Variants in DMD observed in about 807,000 individuals in gnomAD.
DMD encodes mutant dystrophin.
In DMD, 63 loss-of-function variants were observed where a neutral mutation model predicts 330.1. That is an observed-to-expected ratio of 0.19 (90% CI 0.16 to 0.24). The LOEUF (loss-of-function observed/expected upper bound fraction) is 0.24, where lower values mean the gene tolerates loss of function less well. Among genes scored for constraint, DMD ranks in the 10% least tolerant of loss-of-function variants. The pLI, the probability that DMD is intolerant of heterozygous loss-of-function variation, is 1.00. For missense variants in DMD, 3,344 were observed against 2,684.1 expected (o/e 1.25, Z -5.43); for synonymous variants, 1,223 against 959.8 (o/e 1.27, Z -5.07).
chrX:32,230,403 C>T (rs1284839906), intron 43 of DMD, among the ~76,000 whole-genome samples: 2 of 111,188 alleles, frequency 1.8e-5, no homozygotes, highest in African/African-American at 6.5e-5. Context: ...CGCCACCACG[C>T]CCGGCTAATT....
At chrX:32,721,189 G>T (rs1041431924) in intron 7 of DMD, among the ~76,000 whole-genome samples, 2 of 110,601 alleles carry the variant, frequency 1.8e-5, no homozygotes, top group Non-Finnish European at 3.8e-5. Context: ...TCTCCACAAG[G>T]TTCTGATTTC....
chrX:32,776,777 A>G (rs1041990044), intron 7 of DMD, among the ~76,000 whole-genome samples: 1 of 111,889 alleles, frequency 8.9e-6, no homozygotes, highest in African/African-American at 3.3e-5. Flanking sequence ...ATTGTTTCCA[A>G]TACAATGAGA....
intron 51 of DMD, among the ~76,000 whole-genome samples, chrX:31,735,249 T>C (rs1004052986): frequency 1.5e-4 from 17 of 111,902 alleles, no homozygotes; most frequent in African/African-American, 4.6e-4. Flanking sequence ...CAGAATTGCA[T>C]CTTGATCTAA....
Position 31,718,449 on chromosome X carries a change from T to TC in DMD, c.7660+11181dup, listed in dbSNP as rs1055585347. Among the ~76,000 whole-genome samples, 12 of 110,226 alleles carry TC rather than the reference T, an allele frequency of 1.1e-4. 1 individual carries two copies. Among genetic ancestry groups the TC allele is most frequent in the Admixed American group, 4.9e-4 (5 of 10,277 alleles). ...GATTGTTATGGACTGAATGCTGGCA[T>TC]CCCCCCCGCCGGCTAAAATTTGTAT... On this transcript the variant is annotated intron_variant, in intron 52 of 78. Coordinates refer to ENST00000357033, the MANE Select transcript of DMD (RefSeq NM_004006.3).
intron 45 of DMD, among the ~76,000 whole-genome samples, chrX:31,934,034 A>G (rs2094892603): frequency 1.8e-5 from 2 of 110,649 alleles, no homozygotes; most frequent in Admixed American, 9.7e-5. Context: ...ATTGGGCATT[A>G]GGATTAAAGA....
At position 31,172,464 on chromosome X, in the gene DMD, T is replaced by C. The variant is rs926005441; in HGVS notation, c.10329-51A>G. The C allele has an allele frequency of 7.8e-6, 7 of 899,636 alleles. No individual in the cohort carries two copies. The South Asian group carries it at 1.4e-4, about 18-fold the overall frequency. 74.1% of individuals were successfully genotyped at this position (899,636 alleles called of 1,213,427 possible). On this transcript the variant is annotated intron_variant, in intron 72 of 78. Coordinates refer to ENST00000357033, the MANE Select transcript of DMD (RefSeq NM_004006.3). Reference sequence around the variant, plus strand: ...AAAACTTATGTGACGTCTTAGAATCTATTCAAGACCTAATCGAACATTCCT... The same window carrying C: ...AAAACTTATGTGACGTCTTAGAATCCATTCAAGACCTAATCGAACATTCCT...
At chrX:33,250,085 T>TTATATATA (rs560212408) in intron 1 of DMD, among the ~76,000 whole-genome samples, 819 of 75,380 alleles carry the variant, frequency 0.011, 41 homozygotes, top group African/African-American at 0.054. Context: ...AAACTATTCA[T>TTATATATA]TATATATATA....
At chrX:32,722,525 A>G (rs1379021603) in intron 7 of DMD, among the ~76,000 whole-genome samples, 1 of 110,390 alleles carries the variant, frequency 9.1e-6, no homozygotes, top group Admixed American at 9.7e-5. Context: ...ATACCAAGGG[A>G]CAGCTATATA....
chrX:31,172,819 G>A (rs755279713), intron 72 of DMD, among the ~76,000 whole-genome samples: 2 of 111,619 alleles, frequency 1.8e-5, no homozygotes, highest in Non-Finnish European at 3.8e-5. Context: ...TGCTTTTCAC[G>A]ATTGGTAAAC....
At chrX:32,761,782 A>T (rs1436613306) in intron 7 of DMD, among the ~76,000 whole-genome samples, 1 of 101,135 alleles carries the variant, frequency 9.9e-6, no homozygotes, top group African/African-American at 3.6e-5. Flanking sequence ...CAAACAAAAC[A>T]TATCTCTGGG....
At chrX:32,119,023 C>G (rs1330176274) in intron 44 of DMD, among the ~76,000 whole-genome samples, 1 of 111,340 alleles carries the variant, frequency 9.0e-6, no homozygotes, top group South Asian at 3.8e-4. Flanking sequence ...CGGTTCCTAA[C>G]AGGTCACTGA....
intron 67 of DMD, among the ~76,000 whole-genome samples, chrX:31,185,315 C>G (rs2041655273): frequency 1.8e-5 from 2 of 110,655 alleles, no homozygotes; most frequent in Admixed American, 1.9e-4. Flanking sequence ...ACTTTCAGAA[C>G]TCTGTTACAT....
At chrX:31,659,512 T>G (rs2080988335) in intron 53 of DMD, among the ~76,000 whole-genome samples, 1 of 106,943 alleles carries the variant, frequency 9.4e-6, no homozygotes, top group Non-Finnish European at 1.9e-5. Flanking sequence ...GCTGGTAGGC[T>G]CCTGTAATCC....
At chrX:32,774,518 G>T (rs1230264196) in intron 7 of DMD, among the ~76,000 whole-genome samples, 1 of 111,402 alleles carries the variant, frequency 9.0e-6, no homozygotes, top group Non-Finnish European at 1.9e-5. Flanking sequence ...CATGGCTGGG[G>T]AAGCCTCAGG....
At chrX:31,856,981 A>G (rs760345952) in intron 48 of DMD, among the ~76,000 whole-genome samples, 1 of 112,127 alleles carries the variant, frequency 8.9e-6, no homozygotes, top group East Asian at 2.8e-4. Flanking sequence ...ATGGCTTTGT[A>G]GTTTCATGTT....
At chrX:33,053,470 C>T (rs1330468531) in intron 1 of DMD, among the ~76,000 whole-genome samples, 1 of 110,086 alleles carries the variant, frequency 9.1e-6, no homozygotes, top group Non-Finnish European at 1.9e-5. Context: ...GTGGCACGCA[C>T]CTGTAGTCCC....
In DMD at chrX:32,857,841, G is replaced by A. The variant is rs537114786; in HGVS notation, c.94-8021C>T. Among the ~76,000 whole-genome samples, 6 of 111,435 alleles carry A rather than the reference G, an allele frequency of 5.4e-5. No homozygotes were observed. The South Asian group carries it at 1.1e-3, about 21-fold the overall frequency. On this transcript the variant is annotated intron_variant, in intron 2 of 78. Transcript: ENST00000357033. ...CAAAGTCTAGGCAAAGGTCAAAAAC[G>A]CAGACAGAATCTTGCTTTGTGGGCC... is the stretch of plus-strand genomic sequence containing the variant.
chrX:31,523,494 A>G (rs775971371), intron 55 of DMD, among the ~76,000 whole-genome samples: 1 of 112,152 alleles, frequency 8.9e-6, no homozygotes, highest in East Asian at 2.8e-4. Context: ...ACTCCCAGTG[A>G]GCCTACGTAC....
chrX:32,199,455 A>C (rs1316218936), intron 44 of DMD, among the ~76,000 whole-genome samples: 1 of 110,685 alleles, frequency 9.0e-6, no homozygotes, highest in Non-Finnish European at 1.9e-5. Flanking sequence ...AGAAGTGAGG[A>C]TGTGCAGTCT....
Sources: allele counts gnomAD v4.1 joint callset (sites outside exome capture counted in the v4.1 genomes callset), GRCh38; gene constraint gnomAD v4.1.1; transcripts MANE v1.5; gene names NCBI Gene and HGNC (gene_info 2026-07-23, HGNC 2026-07-21).